The following DLGAP2 variants were observed in gnomAD, a reference collection of about 807,000 sequenced individuals.
DLGAP2 encodes the protein DLG associated protein 2, also known as disks large-associated protein 2.
DLGAP2 carries 26 observed loss-of-function variants against 100.3 expected under a neutral mutation model. The observed-to-expected ratio is 0.26, with a 90% CI of 0.19 to 0.36. DLGAP2 has a LOEUF of 0.36. Ranked by LOEUF, DLGAP2 falls within the 10% of genes least tolerant of loss-of-function variation. The pLI is 1.00. For missense variants in DLGAP2, 1,858 were observed against 1,453.2 expected, an observed-to-expected ratio of 1.28 and a Z score of -4.53; for synonymous variants, 886 against 630.1, an observed-to-expected ratio of 1.41 and a Z score of -6.08.
chr8:1,327,523 A>C (rs1020851022), intron 3 of DLGAP2, among the ~76,000 whole-genome samples: 1 of 152,164 alleles, frequency 6.6e-6, no homozygotes, highest in African/African-American at 2.4e-5. Flanking sequence ...TGACCTTTTT[A>C]AAAAGTTTAA....
chr8:891,782 A>T (rs1798040155), intron 1 of DLGAP2, among the ~76,000 whole-genome samples: 1 of 152,212 alleles, frequency 6.6e-6, no homozygotes, highest in Admixed American at 6.5e-5. Context: ...CCAGCCCAGG[A>T]CGGGGAGGGC....
rs756564381 is a variant in DLGAP2, at chr8:1,701,397, C to A, written c.3159C>A (p.Thr1053=). 7.5e-6 allele frequency: 12 copies of A among 1,590,738 alleles called. No homozygotes were observed. The highest frequency in any genetic ancestry group is 1.0e-5 in the Non-Finnish European group (12 of 1,169,530). ...SIEIYIPEAQ[T]RL ...AGATCTACATCCCCGAGGCCCAGACCCGGCTCTGAGGGCGGAGGCCGGCGC... is the reference window on the plus strand; with the variant it reads ...AGATCTACATCCCCGAGGCCCAGACACGGCTCTGAGGGCGGAGGCCGGCGC... Residue 1053 remains threonine (T), a synonymous_variant, in exon 15 of 15, where the codon ACC becomes ACA. Transcript: ENST00000637795.
intron 2 of DLGAP2, among the ~76,000 whole-genome samples, chr8:1,003,558 C>A (rs1297799809): frequency 6.6e-6 from 1 of 152,218 alleles, no homozygotes; most frequent in African/African-American, 2.4e-5. Context: ...AAGCAGTGAG[C>A]ATTGGTTGAA....
In DLGAP2 at chr8:1,104,665, G is replaced by T. The variant is rs532318917; in HGVS notation, c.74-154186G>T. On this transcript the variant is annotated intron_variant, in intron 2 of 14. Transcript: ENST00000637795. ...CCGCCTGCAACCCCGCTTGGCAGAG[G>T]AAGAAGCTGTCGCTCCCTGGGCTGG... 4.6e-5 allele frequency among the ~76,000 whole-genome samples: 7 copies of T among 152,292 alleles called. No individual in the cohort carries two copies. In the South Asian group the frequency reaches 1.2e-3, roughly 27 times the overall value.
intron 2 of DLGAP2, among the ~76,000 whole-genome samples, chr8:993,613 G>C (rs12675606): frequency 0.037 from 5,644 of 152,124 alleles, 275 homozygotes; most frequent in Admixed American, 0.14. Context: ...CTGATGCCTG[G>C]TGTGTATCCT....
intron 3 of DLGAP2, among the ~76,000 whole-genome samples, chr8:1,339,329 T>G (rs1661539373): frequency 1.3e-5 from 2 of 150,914 alleles, no homozygotes. Flanking sequence ...TGCAGTGACC[T>G]CAGTGAGGCA....
chr8:1,452,014 C>G (rs538707735), intron 3 of DLGAP2, among the ~76,000 whole-genome samples: 4 of 152,394 alleles, frequency 2.6e-5, no homozygotes, highest in African/African-American at 7.2e-5. Context: ...ACTGCGGTTT[C>G]TGCCGATGTC....
At chr8:1,131,113 C>T (rs1329847501) in intron 2 of DLGAP2, among the ~76,000 whole-genome samples, 1 of 152,130 alleles carries the variant, frequency 6.6e-6, no homozygotes, top group Non-Finnish European at 1.5e-5. Flanking sequence ...AAAATGCACT[C>T]ATTTTATAAC....
At chr8:912,067 C>T (rs972203754) in intron 2 of DLGAP2, among the ~76,000 whole-genome samples, 28 of 152,310 alleles carry the variant, frequency 1.8e-4, no homozygotes, top group African/African-American at 6.3e-4. Context: ...CCTCACACAG[C>T]CTTTATCCTG....
intron 3 of DLGAP2, among the ~76,000 whole-genome samples, chr8:1,500,622 A>C (rs1799688375): frequency 6.6e-6 from 1 of 152,268 alleles, no homozygotes; most frequent in South Asian, 2.1e-4. Flanking sequence ...GGACCAGTTA[A>C]ATCAAGTGAC....
intron 3 of DLGAP2, among the ~76,000 whole-genome samples, chr8:1,481,471 C>CTTTTTTTTTTTTTTTT (rs1165790168): frequency 1.1e-4 from 5 of 43,696 alleles, no homozygotes; most frequent in Non-Finnish European, 1.4e-4. Flanking sequence ...TTTTCTTTTT[C>CTTTTTTTTTTTTTTTT]TTTTTTTTTT....
intron 1 of DLGAP2, among the ~76,000 whole-genome samples, chr8:844,435 C>A (rs1797037593): frequency 6.6e-6 from 1 of 152,184 alleles, no homozygotes; most frequent in South Asian, 2.1e-4. Context: ...CCCTTTCCAG[C>A]CGTGCTGTCC....
chr8:1,416,658 T>C (rs867409705), intron 3 of DLGAP2, among the ~76,000 whole-genome samples: 16 of 152,248 alleles, frequency 1.1e-4, no homozygotes, highest in South Asian at 4.1e-4. Context: ...ACTCTGTTTC[T>C]GTGTTGACAT....
intron 2 of DLGAP2, among the ~76,000 whole-genome samples, chr8:1,037,536 G>A (rs1244103224): frequency 6.6e-6 from 1 of 152,028 alleles, no homozygotes; most frequent in African/African-American, 2.4e-5. Flanking sequence ...CGTGTCAGCT[G>A]CATCATCTGC....
chr8:1,216,955 G>A (rs1313422730), intron 2 of DLGAP2, among the ~76,000 whole-genome samples: 4 of 152,108 alleles, frequency 2.6e-5, no homozygotes, highest in African/African-American at 7.2e-5. Flanking sequence ...TTGCTGCTTG[G>A]TTTTTTCTTC....
chr8:1,437,074 G>A (rs906583826), intron 3 of DLGAP2, among the ~76,000 whole-genome samples: 1 of 151,860 alleles, frequency 6.6e-6, no homozygotes, highest in African/African-American at 2.4e-5. Flanking sequence ...TCTGCGTTCA[G>A]CCCAGGCGCG....
chr8:1,485,223 A>G (rs966160699), intron 3 of DLGAP2, among the ~76,000 whole-genome samples: 1 of 152,200 alleles, frequency 6.6e-6, no homozygotes, highest in African/African-American at 2.4e-5. Flanking sequence ...TAATTATGAT[A>G]CGCTTTTTTT....
At chr8:1,008,374 T>C (rs1382188059) in intron 2 of DLGAP2, among the ~76,000 whole-genome samples, 1 of 152,214 alleles carries the variant, frequency 6.6e-6, no homozygotes, top group African/African-American at 2.4e-5. Flanking sequence ...TAGTGAAAAC[T>C]GGTATTGATT....
At chr8:1,690,088 G>A (rs1174068650) in intron 12 of DLGAP2, among the ~76,000 whole-genome samples, 1 of 152,188 alleles carries the variant, frequency 6.6e-6, no homozygotes, top group African/African-American at 2.4e-5. Context: ...CGGGTGCGGT[G>A]GCTCACGCCT....
Sources: allele counts gnomAD v4.1 joint callset (sites outside exome capture counted in the v4.1 genomes callset), GRCh38; gene constraint gnomAD v4.1.1; transcripts MANE v1.5; gene names NCBI Gene and HGNC (gene_info 2026-07-23, HGNC 2026-07-21).